RASGEF1C: variants seen among roughly 807,000 people sequenced by gnomAD.
The protein encoded by RASGEF1C is ras-GEF domain-containing family member 1C.
Under a neutral mutation model 58.1 loss-of-function variants are expected in RASGEF1C, and 27 were observed. The ratio of observed to expected loss-of-function variants is 0.46; its 90% CI spans 0.34 to 0.64. The LOEUF is 0.64. RASGEF1C is among the 30% of genes least tolerant of loss of function. The probability of loss-of-function intolerance (pLI) is 0.01; values close to 1 mark genes in which losing one functional copy is unlikely to be tolerated. For missense variants in RASGEF1C, 502 were observed against 605.1 expected, an observed-to-expected ratio of 0.83 and a Z score of 1.79; for synonymous variants, 243 against 246.3, an observed-to-expected ratio of 0.99 and a Z score of 0.13.
chr5:180,174,488 G>GCA lies in RASGEF1C; in HGVS notation c.-7+34539_-7+34540insTG, dbSNP rs1251247890. 3.6e-4 allele frequency among the ~76,000 whole-genome samples: 30 copies of GCA among 82,320 alleles called. No individual in the cohort carries two copies. The South Asian group carries it at 3.7e-3, about 10-fold the overall frequency. The allele number at this position is 82,320 out of a possible 152,430, so 54.0% of individuals were successfully genotyped here. ...TCTGTGTGTATGTGTGTCTGTGTGT[G>GCA]CGCGTGTGTGTCTGTGTGTGCGTGC... On this transcript the variant is annotated intron_variant, in intron 1 of 13. Transcript: ENST00000361132.
chr5:180,148,083 A>G (rs1766686374), intron 1 of RASGEF1C, among the ~76,000 whole-genome samples: 2 of 152,132 alleles, frequency 1.3e-5, no homozygotes, highest in Non-Finnish European at 2.9e-5. Context: ...TTAAATTTTC[A>G]TTGATATGTG....
chr5:180,174,968 G>A (rs765638180), intron 1 of RASGEF1C, among the ~76,000 whole-genome samples: 1 of 152,178 alleles, frequency 6.6e-6, no homozygotes, highest in Non-Finnish European at 1.5e-5. Context: ...CTGAGAGTGG[G>A]TTTAGGGTTG....
rs114012937 is a variant in RASGEF1C, at chr5:180,180,688, G to C, written c.-7+28340C>G. ...ACAAGCAGGGGCCCTGGTGCCTCCA[G>C]CTTCTCTTTTCAGCCAGCATGGCTG... On this transcript the variant is annotated intron_variant, in intron 1 of 13. Coordinates refer to ENST00000361132, the MANE Select transcript of RASGEF1C (RefSeq NM_175062.4). 5.7e-3 allele frequency among the ~76,000 whole-genome samples: 866 copies of C among 152,314 alleles called. 10 individuals are homozygous for C. Among genetic ancestry groups the C allele is most frequent in the African/African-American group, 0.02 (830 of 41,578 alleles).
intron 3 of RASGEF1C, 101 bp from the exon 4 acceptor site, chr5:180,136,616 G>A (rs1346188423): frequency 2.2e-6 from 3 of 1,339,536 alleles, no homozygotes; most frequent in Admixed American, 2.5e-5. Context: ...GGCAGGCAGG[G>A]CCTCGTGCCC....
chr5:180,203,119 G>A (rs1170628742), intron 1 of RASGEF1C, among the ~76,000 whole-genome samples: 3 of 152,116 alleles, frequency 2.0e-5, no homozygotes, highest in Middle Eastern at 3.2e-3. Context: ...CATCCAACAG[G>A]CAGTTTCTAT....
chr5:180,197,675 G>C lies in RASGEF1C; in HGVS notation c.-7+11353C>G, dbSNP rs1350006505. ...TTTCCCCATCTGTAAATTGATGGCA[G>C]CTGCTGTGGGAATTACCTGAGGCCA... On this transcript the variant is annotated intron_variant, in intron 1 of 13. Transcript: ENST00000361132. The surrounding 1 kb of genome is among the most constrained non-coding windows in gnomAD (Gnocchi z 4.7). Among the ~76,000 whole-genome samples, 1 of 152,200 alleles carries C rather than the reference G, an allele frequency of 6.6e-6. No homozygotes were observed. The highest frequency in any genetic ancestry group is 2.4e-5 in the African/African-American group (1 of 41,430).
chr5:180,174,230 G>A (rs905114964), intron 1 of RASGEF1C, among the ~76,000 whole-genome samples: 3 of 152,134 alleles, frequency 2.0e-5, no homozygotes, highest in Non-Finnish European at 4.4e-5. Flanking sequence ...TATAAGAAGA[G>A]GCTCTCACAG....
rs536984720 is a variant in RASGEF1C, at chr5:180,197,249, A to C, written c.-7+11779T>G. 6.6e-6 allele frequency among the ~76,000 whole-genome samples: 1 copy of C among 152,308 alleles called. No homozygotes were observed. Among genetic ancestry groups the C allele is most frequent in the African/African-American group, 2.4e-5 (1 of 41,574 alleles). ...GCCTCCCTCAGCCACACACCTGTGAATCACTCAACAATGGCTGGGACAGAG... is the reference window on the plus strand; with the variant it reads ...GCCTCCCTCAGCCACACACCTGTGACTCACTCAACAATGGCTGGGACAGAG... On this transcript the variant is annotated intron_variant, in intron 1 of 13. Transcript: ENST00000361132. The surrounding 1 kb of genome is among the most constrained non-coding windows in gnomAD (Gnocchi z 4.7).
chr5:180,199,755 C>T (rs1756349596), intron 1 of RASGEF1C, among the ~76,000 whole-genome samples: 1 of 150,000 alleles, frequency 6.7e-6, no homozygotes, highest in Admixed American at 6.6e-5. Flanking sequence ...GCCTTGAACC[C>T]CTGACCTCAA....
chr5:180,202,118 T>G (rs1259749029), intron 1 of RASGEF1C, among the ~76,000 whole-genome samples: 1 of 151,992 alleles, frequency 6.6e-6, no homozygotes. Context: ...GAAAAGACCA[T>G]CATCTCAGAA....
At chr5:180,153,205 G>A (rs934490658) in intron 1 of RASGEF1C, among the ~76,000 whole-genome samples, 3 of 152,138 alleles carry the variant, frequency 2.0e-5, no homozygotes, top group African/African-American at 7.2e-5. Flanking sequence ...TATACAATGG[G>A]GGCCCACCTC....
chr5:180,152,984 T>G (rs1766788228), intron 1 of RASGEF1C, among the ~76,000 whole-genome samples: 1 of 151,400 alleles, frequency 6.6e-6, no homozygotes, highest in Admixed American at 6.6e-5. Flanking sequence ...AAATGGTAAG[T>G]CTTCTTGGGT....
chr5:180,200,221 G>A (rs1756360029), intron 1 of RASGEF1C, among the ~76,000 whole-genome samples: 1 of 151,064 alleles, frequency 6.6e-6, no homozygotes, highest in Non-Finnish European at 1.5e-5. Context: ...AGCTGAGATT[G>A]TGCCACTGCA....
At position 180,143,385 on chromosome 5, in the gene RASGEF1C, T is replaced by C. The variant is rs1195020021; in HGVS notation, c.-6-5327A>G. Among the ~76,000 whole-genome samples, 4 of 152,306 alleles carry C rather than the reference T, an allele frequency of 2.6e-5. No homozygotes were observed. In the East Asian group the frequency reaches 7.8e-4, roughly 30 times the overall value. On this transcript the variant is annotated intron_variant, in intron 1 of 13. Coordinates refer to ENST00000361132, the MANE Select transcript of RASGEF1C (RefSeq NM_175062.4). The surrounding 1 kb of genome is among the most constrained non-coding windows in gnomAD (Gnocchi z 4.3). ...GGACAGGGGCACCATGTGGTGCGTT[T>C]ATAAGGAAGGCCAGCCCTGAAGATG...
rs529609859 is a variant in RASGEF1C at position 180,167,033 on chromosome 5, G to A, written c.-6-28975C>T. On this transcript the variant is annotated intron_variant, in intron 1 of 13. Transcript: ENST00000361132. ...AGTAGTTTGATTATGTTGTATCTGG[G>A]CATGGAGTGTCTTTGTGTTTTATTC... 3.9e-5 allele frequency among the ~76,000 whole-genome samples: 6 copies of A among 152,204 alleles called. No homozygotes were observed. The East Asian group carries it at 1.2e-3, about 29-fold the overall frequency.
chr5:180,111,458 A>G lies in RASGEF1C; in HGVS notation c.1302T>C (p.Asp434=). Residue 434 remains aspartate (D), a splice_region_variant and synonymous_variant, in exon 12 of 14, where the codon GAT becomes GAC. Transcript: ENST00000361132. Reference sequence around the variant, plus strand: ...AGGAGGGCTGCAGGGCTACCTTACCATCCTCACTGAAGATGGGGGCGGTGT... The same window carrying G: ...AGGAGGGCTGCAGGGCTACCTTACCGTCCTCACTGAAGATGGGGGCGGTGT... ...YLYTAPIFSE[D]GLYLASYESE... 1.9e-6 allele frequency: 3 copies of G among 1,614,194 alleles called. No homozygotes were observed. The highest frequency in any genetic ancestry group is 2.2e-5 in the South Asian group (2 of 91,084).
chr5:180,175,301 C>T (rs1316715086), intron 1 of RASGEF1C, among the ~76,000 whole-genome samples: 3 of 152,216 alleles, frequency 2.0e-5, no homozygotes, highest in African/African-American at 7.2e-5. Flanking sequence ...TCAGCATGCT[C>T]AGAGGCCCCC....
chr5:180,174,617 T>TG (rs1767190809), intron 1 of RASGEF1C, among the ~76,000 whole-genome samples: 2 of 9,562 alleles, frequency 2.1e-4, no homozygotes, highest in Non-Finnish European at 5.1e-4. Context: ...CATGTGTGTG[T>TG]CTGTGTGTGT....
At chr5:180,195,303 GACTA>G (rs1756246324) in intron 1 of RASGEF1C, among the ~76,000 whole-genome samples, 1 of 152,158 alleles carries the variant, frequency 6.6e-6, no homozygotes, top group African/African-American at 2.4e-5. Context: ...CCAGGGGCCT[GACTA>G]ACTCAGTGGT....
Sources: allele counts gnomAD v4.1 joint callset (sites outside exome capture counted in the v4.1 genomes callset), GRCh38; gene constraint gnomAD v4.1.1; non-coding constraint Gnocchi (gnomAD v3.1); transcripts MANE v1.5; gene names NCBI Gene and HGNC (gene_info 2026-07-23, HGNC 2026-07-21).